The following CSMD1 variants were observed in gnomAD, a reference collection of about 807,000 sequenced individuals.
The protein encoded by CSMD1 is CUB and sushi domain-containing protein 1.
A neutral mutation model predicts 417.5 loss-of-function variants in CSMD1; 213 were observed. That is an observed-to-expected ratio of 0.51 (90% CI 0.46 to 0.57). CSMD1 has a LOEUF of 0.57. Ranked by LOEUF, CSMD1 falls within the 20% of genes least tolerant of loss-of-function variation. The pLI is 0.00. For missense variants in CSMD1, 6,923 were observed against 4,529.7 expected (o/e 1.53, Z -15.17); for synonymous variants, 2,862 against 1,736.8 (o/e 1.65, Z -16.11).
intron 17 of CSMD1, among the ~76,000 whole-genome samples, chr8:3,393,714 T>A (rs1321861976): frequency 6.6e-6 from 1 of 151,684 alleles, no homozygotes; most frequent in Non-Finnish European, 1.5e-5. Flanking sequence ...CTGGAAACCA[T>A]CATTCTCAGC....
At chr8:4,662,308 A>G (rs1804657311) in intron 1 of CSMD1, among the ~76,000 whole-genome samples, 1 of 152,194 alleles carries the variant, frequency 6.6e-6, no homozygotes, top group Non-Finnish European at 1.5e-5. Context: ...TAACTGAGTA[A>G]TGAATTACTC....
chr8:4,719,046 G>A (rs181238323), intron 1 of CSMD1, among the ~76,000 whole-genome samples: 6 of 152,194 alleles, frequency 3.9e-5, no homozygotes, highest in Non-Finnish European at 7.4e-5. Context: ...GTTTTCACTG[G>A]TGAAGAAAAA....
chr8:4,498,728 C>T (rs1434677020), intron 2 of CSMD1, among the ~76,000 whole-genome samples: 1 of 152,174 alleles, frequency 6.6e-6, no homozygotes, highest in Non-Finnish European at 1.5e-5. Flanking sequence ...CTGAATGCAT[C>T]AACTGTAATC....
chr8:4,092,595 T>A (rs1373555810), intron 3 of CSMD1, among the ~76,000 whole-genome samples: 1 of 152,228 alleles, frequency 6.6e-6, no homozygotes, highest in Non-Finnish European at 1.5e-5. Flanking sequence ...ATAATTAGCA[T>A]ATCATCTTAA....
chr8:4,569,865 G>C (rs1798798802), intron 2 of CSMD1, among the ~76,000 whole-genome samples: 1 of 152,116 alleles, frequency 6.6e-6, no homozygotes, highest in Admixed American at 6.5e-5. Context: ...CACATCACTT[G>C]TAAGTTGTAT....
intron 3 of CSMD1, among the ~76,000 whole-genome samples, chr8:4,056,478 G>A (rs981046995): frequency 1.5e-4 from 23 of 150,942 alleles, no homozygotes; most frequent in Admixed American, 7.9e-4. Context: ...AATAGTTTCC[G>A]GGGCTGAGAG....
At chr8:3,413,522 C>G (rs911782827) in intron 12 of CSMD1, among the ~76,000 whole-genome samples, 1 of 152,180 alleles carries the variant, frequency 6.6e-6, no homozygotes, top group Non-Finnish European at 1.5e-5. Flanking sequence ...ACGGTCCAAA[C>G]TCAGTAGGTT....
chr8:3,006,238 G>A (rs957844542), intron 52 of CSMD1, among the ~76,000 whole-genome samples: 5 of 151,600 alleles, frequency 3.3e-5, no homozygotes, highest in African/African-American at 9.7e-5. Context: ...CCTCTTCAAG[G>A]AGAACTACAA....
intron 1 of CSMD1, among the ~76,000 whole-genome samples, chr8:4,941,612 T>G (rs1437814733): frequency 6.6e-6 from 1 of 152,052 alleles, no homozygotes; most frequent in East Asian, 1.9e-4. Context: ...ATTTTTATTT[T>G]TTTTGAGACA....
chr8:4,321,193 A>T (rs1274768673), intron 3 of CSMD1, among the ~76,000 whole-genome samples: 1 of 152,086 alleles, frequency 6.6e-6, no homozygotes, highest in Non-Finnish European at 1.5e-5. Flanking sequence ...TGTAGGGTTC[A>T]ACATGTGTGT....
intron 4 of CSMD1, among the ~76,000 whole-genome samples, chr8:4,008,370 A>C (rs954638609): frequency 6.6e-6 from 1 of 151,892 alleles, no homozygotes; most frequent in Non-Finnish European, 1.5e-5. Flanking sequence ...ACTAATAAGC[A>C]TGAAAATATA....
chr8:3,862,523 C>T (rs1804787345), intron 5 of CSMD1, among the ~76,000 whole-genome samples: 1 of 152,190 alleles, frequency 6.6e-6, no homozygotes, highest in African/African-American at 2.4e-5. Context: ...CTGTTTGCTA[C>T]CATAAAATTC....
Position 4,450,553 on chromosome 8 carries a change from T to G in CSMD1, c.303-30488A>C, listed in dbSNP as rs76334022. On this transcript the variant is annotated intron_variant, in intron 2 of 69. Coordinates refer to ENST00000635120, the MANE Select transcript of CSMD1 (RefSeq NM_033225.6). ...GGGAGGCTGAGGCACGGGATTCACT[T>G]GAACCCGGGAGGCAGAGGTTGCAGC... Among the ~76,000 whole-genome samples the G allele has an allele frequency of 5.1e-3, 774 of 152,156 alleles. 61 individuals are homozygous for G. In the East Asian group the frequency reaches 0.14, roughly 27 times the overall value.
intron 23 of CSMD1, among the ~76,000 whole-genome samples, chr8:3,338,459 G>C (rs1585020881): frequency 1.3e-5 from 2 of 152,364 alleles, no homozygotes; most frequent in Admixed American, 6.5e-5. Flanking sequence ...ATAGTGATGA[G>C]GGGACCAATT....
chr8:4,160,029 T>A (rs1271971296), intron 3 of CSMD1, among the ~76,000 whole-genome samples: 1 of 150,672 alleles, frequency 6.6e-6, no homozygotes, highest in Admixed American at 6.6e-5. Flanking sequence ...ATTTCAGAAA[T>A]CACCAAAGAA....
chr8:4,223,937 T>G (rs1245037399), intron 3 of CSMD1, among the ~76,000 whole-genome samples: 3 of 152,086 alleles, frequency 2.0e-5, no homozygotes, highest in Non-Finnish European at 4.4e-5. Context: ...CATCCAGGGG[T>G]CCTTTGTGCT....
intron 2 of CSMD1, among the ~76,000 whole-genome samples, chr8:4,594,912 G>C (rs759458649): frequency 2.0e-5 from 3 of 152,046 alleles, no homozygotes; most frequent in Non-Finnish European, 4.4e-5. Context: ...TGGTTATAGT[G>C]GTTTAAATAT....
intron 3 of CSMD1, among the ~76,000 whole-genome samples, chr8:4,225,861 C>A (rs566067430): frequency 5.9e-5 from 9 of 152,146 alleles, no homozygotes; most frequent in African/African-American, 2.2e-4. Flanking sequence ...AAAGTTTTAA[C>A]TGTGCATATA....
intron 7 of CSMD1, among the ~76,000 whole-genome samples, chr8:3,701,432 C>T (rs1283296999): frequency 6.6e-6 from 1 of 152,062 alleles, no homozygotes; most frequent in African/African-American, 2.4e-5. Context: ...TGAACCGAAG[C>T]TGCTGCTGGC....
Sources: allele counts gnomAD v4.1 joint callset (sites outside exome capture counted in the v4.1 genomes callset), GRCh38; gene constraint gnomAD v4.1.1; transcripts MANE v1.5; gene names NCBI Gene and HGNC (gene_info 2026-07-23, HGNC 2026-07-21).